Variants in ROBO2 observed in about 807,000 individuals in gnomAD.
ROBO2 encodes roundabout guidance receptor 2.
Under a neutral mutation model 160.8 loss-of-function variants are expected in ROBO2, and 53 were observed. That is an observed-to-expected ratio of 0.33 (90% confidence interval 0.26 to 0.41). The LOEUF (loss-of-function observed/expected upper bound fraction) is 0.41, where lower values mean the gene tolerates loss of function less well. Ranked by LOEUF, ROBO2 falls within the 10% of genes least tolerant of loss-of-function variation. The probability of loss-of-function intolerance (pLI) is 1.00; values close to 1 mark genes in which losing one functional copy is unlikely to be tolerated. For missense variants in ROBO2, 1,577 were observed against 1,722.4 expected (o/e 0.92, Z 1.49); for synonymous variants, 664 against 611.7 (o/e 1.09, Z -1.26).
At chr3:76,513,978 A>C (rs998357161) in intron 2 of ROBO2, among the ~76,000 whole-genome samples, 2 of 152,202 alleles carry the variant, frequency 1.3e-5, no homozygotes, top group African/African-American at 4.8e-5. Flanking sequence ...TGAGGTGTTC[A>C]AATTTCCCCA....
intron 2 of ROBO2, among the ~76,000 whole-genome samples, chr3:77,348,337 G>A (rs1437441847): frequency 1.3e-5 from 2 of 151,998 alleles, no homozygotes; most frequent in Non-Finnish European, 2.9e-5. Context: ...ACCATGTAGG[G>A]TAACTTCCTG....
intron 2 of ROBO2, among the ~76,000 whole-genome samples, chr3:76,967,252 A>G (rs1235369534): frequency 5.3e-5 from 8 of 149,536 alleles, no homozygotes; most frequent in Non-Finnish European, 1.2e-4. Flanking sequence ...TTTGAGACGG[A>G]ATCTCACTCT....
At chr3:77,568,560 G>A in intron 13 of ROBO2, 126 bp downstream of exon 14, 1 of 1,085,960 alleles carries the variant, frequency 9.2e-7, no homozygotes, top group South Asian at 1.3e-5. Context: ...TGTAATCAAT[G>A]ATAGTAAAGA....
chr3:77,478,200 A>T (rs2084270428), intron 3 of ROBO2, among the ~76,000 whole-genome samples: 1 of 152,220 alleles, frequency 6.6e-6, no homozygotes, highest in South Asian at 2.1e-4. Flanking sequence ...AGTATAAATG[A>T]TAGCCATAAA....
At chr3:75,960,343 G>A (rs1294216632) in intron 2 of ROBO2, among the ~76,000 whole-genome samples, 2 of 151,720 alleles carry the variant, frequency 1.3e-5, no homozygotes, top group Non-Finnish European at 2.9e-5. Context: ...ATAATCTTGT[G>A]ACAGGATATA....
Position 77,546,512 on chromosome 3 carries a change from C to A in ROBO2, c.1059+50C>A, listed in dbSNP as rs369328527. On this transcript the variant is annotated intron_variant, in intron 7 of 25. Coordinates refer to ENST00000461745, the Ensembl canonical transcript of ROBO2. ...TCTGAAATCTCTGAACTTCTACTGT[C>A]TCTGCTGCTCCTGAAAGCTTGCCTT... 282 of 1,607,124 alleles carry A rather than the reference C, an allele frequency of 1.8e-4. 1 individual carries two copies. In the African/African-American group the frequency reaches 3.0e-3, roughly 17 times the overall value.
intron 2 of ROBO2, among the ~76,000 whole-genome samples, chr3:77,433,751 A>G (rs1238544535): frequency 1.3e-5 from 2 of 151,760 alleles, no homozygotes; most frequent in African/African-American, 2.4e-5. Context: ...TGGCTCACTC[A>G]TGGTCTTTCT....
intron 2 of ROBO2, among the ~76,000 whole-genome samples, chr3:77,295,491 A>G (rs2061963206): frequency 1.3e-5 from 2 of 151,018 alleles, no homozygotes; most frequent in Non-Finnish European, 2.9e-5. Context: ...AGCTGAGGCT[A>G]GATCACCCCA....
At chr3:77,452,530 C>T (rs1268375147) in intron 2 of ROBO2, among the ~76,000 whole-genome samples, 1 of 151,948 alleles carries the variant, frequency 6.6e-6, no homozygotes, top group Non-Finnish European at 1.5e-5. Flanking sequence ...AAGTGGACAC[C>T]AATTATACAT....
chr3:76,422,363 T>C (rs2076031941), intron 2 of ROBO2, among the ~76,000 whole-genome samples: 1 of 152,196 alleles, frequency 6.6e-6, no homozygotes, highest in Non-Finnish European at 1.5e-5. Context: ...TGGACTTAGA[T>C]TTAACTTGAT....
At chr3:76,980,626 C>T (rs2060048368) in intron 2 of ROBO2, among the ~76,000 whole-genome samples, 1 of 152,080 alleles carries the variant, frequency 6.6e-6, no homozygotes, top group Non-Finnish European at 1.5e-5. Context: ...GTGGGTTTAA[C>T]TTTATTATTA....
At chr3:76,819,429 G>T (rs931244330) in intron 2 of ROBO2, among the ~76,000 whole-genome samples, 1 of 152,168 alleles carries the variant, frequency 6.6e-6, no homozygotes, top group Admixed American at 6.6e-5. Context: ...TGAAAATTAG[G>T]CTGCTTGACT....
At chr3:77,572,685 G>A (rs2093667715) in intron 13 of ROBO2, among the ~76,000 whole-genome samples, 1 of 151,350 alleles carries the variant, frequency 6.6e-6, no homozygotes, top group African/African-American at 2.4e-5. Flanking sequence ...AATTGAGGGA[G>A]TTTTCTCGTT....
chr3:76,576,162 AG>A, intron 2 of ROBO2, among the ~76,000 whole-genome samples: 1 of 152,246 alleles, frequency 6.6e-6, no homozygotes, highest in Middle Eastern at 3.4e-3. Context: ...TTTTAAAAGT[AG>A]CTGTCATGAG....
chr3:76,942,965 A>ATT (rs1285572314), intron 2 of ROBO2, among the ~76,000 whole-genome samples: 2 of 152,190 alleles, frequency 1.3e-5, no homozygotes, highest in Non-Finnish European at 2.9e-5. Flanking sequence ...TTAGACTTGT[A>ATT]AGATTTATGC....
chr3:76,762,936 C>T (rs1209948704), intron 2 of ROBO2, among the ~76,000 whole-genome samples: 5 of 151,698 alleles, frequency 3.3e-5, no homozygotes, highest in East Asian at 3.9e-4. Context: ...GTATTGTTCA[C>T]GATGCCTGCT....
chr3:76,273,850 TG>T (rs1420060839), intron 2 of ROBO2, among the ~76,000 whole-genome samples: 3 of 152,188 alleles, frequency 2.0e-5, no homozygotes, highest in Admixed American at 6.5e-5. Context: ...ACCATATCAC[TG>T]GGTAATTTAT....
intron 2 of ROBO2, among the ~76,000 whole-genome samples, chr3:77,315,203 C>A (rs1478426300): frequency 3.3e-5 from 5 of 151,998 alleles, no homozygotes; most frequent in Admixed American, 6.6e-5. Flanking sequence ...GTCTTATTTG[C>A]AGAACAGTCT....
At chr3:76,744,336 C>T (rs2093849711) in intron 2 of ROBO2, among the ~76,000 whole-genome samples, 2 of 149,032 alleles carry the variant, frequency 1.3e-5, no homozygotes, top group Admixed American at 6.8e-5. Context: ...TCTTTCTTTC[C>T]TCCTCCTCCT....
Sources: gnomAD v4.1 joint callset for allele counts (sites outside exome capture counted in the v4.1 genomes callset) on GRCh38, gnomAD v4.1.1 for gene constraint, MANE v1.5 for transcripts, NCBI Gene and HGNC (gene_info 2026-07-23, HGNC 2026-07-21) for gene names.